Variants in CSMD2 observed in about 807,000 individuals in gnomAD.
CSMD2 encodes the protein CUB and sushi domain-containing protein 2.
In CSMD2, 130 loss-of-function variants were observed where a neutral mutation model predicts 398.5. The observed-to-expected ratio is 0.33, with a 90% confidence interval of 0.28 to 0.38. The LOEUF (loss-of-function observed/expected upper bound fraction) is 0.38. Among genes scored for constraint, CSMD2 ranks in the 10% least tolerant of loss-of-function variants. The pLI is 1.00. For synonymous variants in CSMD2, 1,828 were observed against 1,908.5 expected, an observed-to-expected ratio of 0.96 and a Z score of 1.10; for missense variants, 3,829 against 4,764.9, an observed-to-expected ratio of 0.80 and a Z score of 5.78.
intron 21 of CSMD2, among the ~76,000 whole-genome samples, chr1:33,711,634 G>A (rs1442009206): frequency 1.3e-5 from 2 of 152,160 alleles, no homozygotes; most frequent in Admixed American, 6.5e-5. Flanking sequence ...TTAGCTGCCC[G>A]AGGCTCACAG....
In CSMD2 at chr1:33,883,479, T is replaced by C. The variant is rs12048901; in HGVS notation, c.920+34615A>G. ...TCCCCTCACAGTTGCCTTTTTTTTT[T>C]AAGTCAGTATTTCTCCAAGGTGGTC... On this transcript the variant is annotated intron_variant, in intron 5 of 70. Transcript: ENST00000373381. Among the ~76,000 whole-genome samples, 60 of 152,250 alleles carry C rather than the reference T, an allele frequency of 3.9e-4. 1 individual carries two copies. The East Asian group carries it at 0.011, about 27-fold the overall frequency.
intron 2 of CSMD2, among the ~76,000 whole-genome samples, chr1:34,072,700 G>C (rs1484640872): frequency 1.3e-5 from 2 of 152,140 alleles, no homozygotes; most frequent in Non-Finnish European, 1.5e-5. Flanking sequence ...CACAAATATT[G>C]ATTTTGACCT....
chr1:33,605,378 C>T lies in CSMD2; in HGVS notation c.6436G>A (p.Glu2146Lys), dbSNP rs1640524516. 2.5e-6 allele frequency: 4 copies of T among 1,614,052 alleles called. No individual in the cohort carries two copies. Among genetic ancestry groups the T allele is most frequent in the East Asian group, 2.2e-5 (1 of 44,880 alleles). Residue 2146 changes from glutamate to lysine, a missense_variant, in exon 42 of 71, where the codon GAG becomes AAG. By Grantham distance (56) the Glu-to-Lys change is moderately conservative (BLOSUM62 1). Coordinates refer to ENST00000373381, the MANE Select transcript of CSMD2 (RefSeq NM_001281956.2). ...GYNVGQSVTF[E>K]CLPGYQLTGH... is the part of the protein sequence containing the mutation. ...GTCAATTGATACCCCGGGAGGCACTCGAAGGTCACTGATTGTCCCACGTTG... is the reference window on the plus strand; with the variant it reads ...GTCAATTGATACCCCGGGAGGCACTTGAAGGTCACTGATTGTCCCACGTTG...
At chr1:33,713,137 T>TGAGG (rs1165164628) in intron 21 of CSMD2, among the ~76,000 whole-genome samples, 13 of 152,328 alleles carry the variant, frequency 8.5e-5, no homozygotes, top group African/African-American at 2.9e-4. Context: ...ACAAGGAAGC[T>TGAGG]GAGGTTAAGG....
intron 44 of CSMD2, among the ~76,000 whole-genome samples, chr1:33,596,315 C>T (rs1180318284): frequency 2.6e-5 from 4 of 152,082 alleles, no homozygotes; most frequent in African/African-American, 9.7e-5. Context: ...CTCTGACACC[C>T]TGTGCCAGCT....
At chr1:33,935,651 C>A (rs922257123) in intron 4 of CSMD2, 109 bp downstream of exon 4, 17 of 1,194,794 alleles carry the variant, frequency 1.4e-5, no homozygotes, top group Non-Finnish European at 1.8e-5. Context: ...GGGTACCCCC[C>A]TCCCTGCTGG....
intron 2 of CSMD2, among the ~76,000 whole-genome samples, chr1:34,042,765 T>C (rs1652002947): frequency 6.6e-6 from 1 of 152,144 alleles, no homozygotes; most frequent in African/African-American, 2.4e-5. Flanking sequence ...CTCTCTCCCC[T>C]TTGGTCTTTC....
chr1:33,805,819 T>C (rs1656164814), intron 10 of CSMD2, among the ~76,000 whole-genome samples: 2 of 151,896 alleles, frequency 1.3e-5, no homozygotes, highest in South Asian at 4.2e-4. Context: ...CCGAATTTAG[T>C]TGCACTTTGA....
At chr1:33,695,638 A>G (rs1645397732) in intron 24 of CSMD2, among the ~76,000 whole-genome samples, 1 of 152,178 alleles carries the variant, frequency 6.6e-6, no homozygotes, top group African/African-American at 2.4e-5. Context: ...CACAATCTCT[A>G]GGCTGGCAGA....
chr1:33,675,612 G>A (rs1644681843), intron 25 of CSMD2, among the ~76,000 whole-genome samples: 1 of 152,174 alleles, frequency 6.6e-6, no homozygotes, highest in Non-Finnish European at 1.5e-5. Flanking sequence ...ATTTTATGAG[G>A]CCAGCATCAT....
At chr1:33,686,307 G>A (rs762976704) in intron 25 of CSMD2, among the ~76,000 whole-genome samples, 15 of 152,168 alleles carry the variant, frequency 9.9e-5, no homozygotes, top group Non-Finnish European at 1.6e-4. Flanking sequence ...ACTCCTATAG[G>A]ATGAAACTTC....
chr1:33,561,178 G>T (rs1286861753), intron 53 of CSMD2, among the ~76,000 whole-genome samples: 1 of 152,228 alleles, frequency 6.6e-6, no homozygotes. Context: ...GCCAGATCTG[G>T]TGTTTTCTGG....
At position 33,973,843 on chromosome 1, in the gene CSMD2, G is replaced by T. The variant is rs74068627; in HGVS notation, c.518-37889C>A. Among the ~76,000 whole-genome samples, 1,381 of 152,238 alleles carry T rather than the reference G, an allele frequency of 9.1e-3. 18 individuals are homozygous for T. Among genetic ancestry groups the T allele is most frequent in the African/African-American group, 0.031 (1,303 of 41,540 alleles). ...GGGGAGTGACCAGGGCAGAGCTCAG[G>T]TAAAAGCCTCAGTCTTTATAGGAAA... On this transcript the variant is annotated intron_variant, in intron 3 of 70. Transcript: ENST00000373381.
At chr1:33,738,626 G>T (rs982107562) in intron 15 of CSMD2, among the ~76,000 whole-genome samples, 23 of 152,198 alleles carry the variant, frequency 1.5e-4, no homozygotes, top group African/African-American at 5.3e-4. Context: ...CTTCTGGCTG[G>T]TTGGCCCTGA....
At chr1:33,815,367 C>A (rs1657341247) in intron 9 of CSMD2, 2 of 152,136 alleles carry the variant, frequency 1.3e-5, no homozygotes, top group Non-Finnish European at 2.9e-5. Context: ...TAGCTTTCTT[C>A]TTCTCCACTA....
intron 3 of CSMD2, among the ~76,000 whole-genome samples, chr1:33,959,445 G>A (rs1355242561): frequency 6.6e-6 from 1 of 152,162 alleles, no homozygotes; most frequent in Non-Finnish European, 1.5e-5. Context: ...TCAGAGGTGG[G>A]CCTGCGTGTT....
chr1:34,067,101 G>T (rs938596882), intron 2 of CSMD2, among the ~76,000 whole-genome samples: 11 of 152,140 alleles, frequency 7.2e-5, no homozygotes, highest in Non-Finnish European at 1.6e-4. Flanking sequence ...GAGAAGGCTC[G>T]CATTGAGGGA....
chr1:34,147,463 C>T (rs1311383695), intron 1 of CSMD2, among the ~76,000 whole-genome samples: 1 of 150,908 alleles, frequency 6.6e-6, no homozygotes, highest in Non-Finnish European at 1.5e-5. Context: ...GTCTAGGAGC[C>T]GGCAGAGATG....
chr1:33,973,500 G>C (rs773869010), intron 3 of CSMD2, among the ~76,000 whole-genome samples: 4 of 152,216 alleles, frequency 2.6e-5, no homozygotes, highest in Non-Finnish European at 4.4e-5. Context: ...GGTTGAATCA[G>C]AAAAGCTTCC....
Sources: allele counts gnomAD v4.1 joint callset (sites outside exome capture counted in the v4.1 genomes callset), GRCh38; gene constraint gnomAD v4.1.1; transcripts MANE v1.5; gene names NCBI Gene and HGNC (gene_info 2026-07-23, HGNC 2026-07-21).